Variants in VCAN observed in about 807,000 individuals in gnomAD.
VCAN encodes the protein versican core protein.
A neutral mutation model predicts 245.5 loss-of-function variants in VCAN; 44 were observed. The ratio of observed to expected loss-of-function variants is 0.18; its 90% confidence interval spans 0.14 to 0.23. The LOEUF is 0.23. VCAN is among the 10% of genes least tolerant of loss of function. The pLI, the probability that VCAN is intolerant of heterozygous loss-of-function variation, is 1.00. For synonymous variants in VCAN, 1,413 were observed against 1,437.0 expected, an observed-to-expected ratio of 0.98 and a Z score of 0.38; for missense variants, 3,793 against 4,057.9, an observed-to-expected ratio of 0.93 and a Z score of 1.77.
chr5:83,495,875 T>A (rs1745140450), intron 5 of VCAN, among the ~76,000 whole-genome samples: 1 of 152,192 alleles, frequency 6.6e-6, no homozygotes, highest in Admixed American at 6.5e-5. Flanking sequence ...CAGGCTTATG[T>A]ACCCATGAAG....
intron 5 of VCAN, among the ~76,000 whole-genome samples, chr5:83,510,816 C>T (rs1256506354): frequency 6.6e-6 from 1 of 152,178 alleles, no homozygotes; most frequent in Non-Finnish European, 1.5e-5. Flanking sequence ...ACTGTCCAGC[C>T]TTTTCTTGTT....
At position 83,493,740 on chromosome 5, in the gene VCAN, C is replaced by A. The variant is rs374314563; in HGVS notation, c.620+20C>A. 1 of 1,614,022 alleles carries A rather than the reference C, an allele frequency of 6.2e-7. No homozygotes were observed. Among genetic ancestry groups the A allele is most frequent in the African/African-American group, 1.3e-5 (1 of 74,900 alleles). ...TGTCAGGTAAGAGGTCTGGGGGCCA[C>A]AGGCTTCATTATTAACTTGAGAGTG... On this transcript the variant is annotated intron_variant, in intron 4 of 14. Coordinates refer to ENST00000265077, the MANE Select transcript of VCAN (RefSeq NM_004385.5).
Position 83,521,961 on chromosome 5 carries a change from A to ACAACTTCAGCATTCAAGC in VCAN, c.3658_3675dup (p.Thr1220_Pro1225dup). The ACAACTTCAGCATTCAAGC allele has an allele frequency of 6.2e-7, 1 of 1,614,240 alleles. No individual in the cohort carries two copies. On this transcript the variant is annotated inframe_insertion, in exon 7 of 15. Coordinates refer to ENST00000265077, the MANE Select transcript of VCAN (RefSeq NM_004385.5). The stretch of plus-strand genomic sequence containing the variant: ...CTTCAGTTCAGTAGACAGACTTCAC[A>ACAACTTCAGCATTCAAGC]CAACTTCAGCATTCAAGCCATCTTC...
At position 83,520,043 on chromosome 5, in the gene VCAN, C is replaced by T. The variant is rs780629672; in HGVS notation, c.1737C>T (p.Val579=). 1.9e-6 allele frequency: 3 copies of T among 1,613,912 alleles called. No homozygotes were observed. The highest frequency in any genetic ancestry group is 2.2e-5 in the South Asian group (2 of 91,058). ...TGATCTTTGACCAAATTCCTGAAGT[C>T]ATTACGGTGTCAAAGACTTCAGAAG... The part of the protein sequence containing the change: ...STLIFDQIPE[V]ITVSKTSEDT... Residue 579 remains valine, a synonymous_variant, in exon 7 of 15, where the codon GTC becomes GTT. Coordinates refer to ENST00000265077, the MANE Select transcript of VCAN (RefSeq NM_004385.5).
intron 5 of VCAN, among the ~76,000 whole-genome samples, chr5:83,511,148 C>CT (rs1004567485): frequency 7.5e-5 from 11 of 146,552 alleles, no homozygotes; most frequent in East Asian, 2.1e-4. Flanking sequence ...GTCTTTCTCT[C>CT]TTTTTTTTTT....
intron 5 of VCAN, among the ~76,000 whole-genome samples, chr5:83,494,716 A>C (rs993454893): frequency 5.9e-5 from 9 of 152,144 alleles, no homozygotes; most frequent in Admixed American, 4.6e-4. Flanking sequence ...ACTTTGGGAG[A>C]GCTAGGTGGG....
chr5:83,487,158 C>A (rs997172506), intron 2 of VCAN, among the ~76,000 whole-genome samples: 1 of 152,046 alleles, frequency 6.6e-6, no homozygotes, highest in South Asian at 2.1e-4. Context: ...CATGCACAGT[C>A]GTGAATAAGT....
chr5:83,569,669 A>G (rs1337880550), intron 12 of VCAN, among the ~76,000 whole-genome samples: 1 of 152,184 alleles, frequency 6.6e-6, no homozygotes, highest in Non-Finnish European at 1.5e-5. Context: ...TACACATAGT[A>G]TTAGGATGTT....
intron 1 of VCAN, among the ~76,000 whole-genome samples, chr5:83,476,378 G>T (rs1744391143): frequency 6.6e-6 from 1 of 152,292 alleles, no homozygotes; most frequent in African/African-American, 2.4e-5. Flanking sequence ...TGGTTCTTTT[G>T]AAAGAAAGAA....
Position 83,539,961 on chromosome 5 carries a change from A to G in VCAN, c.6958A>G (p.Ile2320Val), listed in dbSNP as rs1746901213. 2.5e-6 allele frequency: 4 copies of G among 1,614,024 alleles called. No homozygotes were observed. The highest frequency in any genetic ancestry group is 1.1e-5 in the South Asian group (1 of 91,088). ...EVGPLVSQTD[I>V]FEGSGSVTST... Reference sequence around the variant, plus strand: ...TGGACCACTCGTATCTCAAACAGACATCTTTGAAGGTAGTGGGTCAGTAAC... The same window carrying G: ...TGGACCACTCGTATCTCAAACAGACGTCTTTGAAGGTAGTGGGTCAGTAAC... Residue 2320 changes from isoleucine to valine, a missense_variant, in exon 8 of 15, where the codon ATC becomes GTC. Physicochemically the swap from Ile to Val is conservative, Grantham distance 29 (BLOSUM62 3). Around this residue, in one of 5 missense-constraint regions of VCAN, gnomAD observed 3,182 missense variants for 3,250.3 expected, o/e 0.98. Coordinates refer to ENST00000265077, the MANE Select transcript of VCAN (RefSeq NM_004385.5).
At position 83,547,955 on chromosome 5, in the gene VCAN, T is replaced by C. The variant is rs747552346; in HGVS notation, c.9380-16T>C. 6.4e-7 allele frequency: 1 copy of C among 1,564,778 alleles called. No individual in the cohort carries two copies. The highest frequency in any genetic ancestry group is 1.1e-5 in the South Asian group (1 of 90,118). ...TTTTTGAAAGTATTTTGTGAGCTTT[T>C]ACTATTTTGTTTCAGATTTTGATGA... On this transcript the variant is annotated splice_polypyrimidine_tract_variant and intron_variant, in intron 9 of 14. Coordinates refer to ENST00000265077, the MANE Select transcript of VCAN (RefSeq NM_004385.5).
intron 12 of VCAN, among the ~76,000 whole-genome samples, chr5:83,568,414 C>T (rs1748163447): frequency 6.6e-6 from 1 of 152,196 alleles, no homozygotes; most frequent in African/African-American, 2.4e-5. Context: ...CTCTGCCAAG[C>T]AACAACAGGA....
chr5:83,524,598 A>G (rs778101033), intron 7 of VCAN, among the ~76,000 whole-genome samples: 6 of 151,378 alleles, frequency 4.0e-5, no homozygotes, highest in Non-Finnish European at 7.4e-5. Flanking sequence ...CATCATCTGT[A>G]TTTTTGTGTG....
At chr5:83,504,579 A>C (rs1275753217) in intron 5 of VCAN, among the ~76,000 whole-genome samples, 1 of 151,992 alleles carries the variant, frequency 6.6e-6, no homozygotes, top group Non-Finnish European at 1.5e-5. Context: ...ATGGGGTTTC[A>C]CCATGTTGGC....
chr5:83,554,520 A>G (rs1029486655), intron 11 of VCAN, among the ~76,000 whole-genome samples: 2 of 152,210 alleles, frequency 1.3e-5, no homozygotes, highest in African/African-American at 4.8e-5. Flanking sequence ...TTTGAAAAAA[A>G]GGAACAAGTG....
At position 83,540,852 on chromosome 5, in the gene VCAN, A is replaced by T. The variant is rs1327111899; in HGVS notation, c.7849A>T (p.Thr2617Ser). The T allele has an allele frequency of 6.2e-7, 1 of 1,614,038 alleles. No individual in the cohort carries two copies. The highest frequency in any genetic ancestry group is 8.5e-7 in the Non-Finnish European group (1 of 1,179,984). ...TAATGATGAAAGTAATGATGACAGC[A>T]CTCAAGTTCAAGAGATCTATGAGGC... ...DSNDESNDDS[T>S]QVQEIYEAAV... Residue 2617 changes from threonine (T) to serine (S), a missense_variant, in exon 8 of 15, where the codon ACT (threonine) becomes TCT (serine). By Grantham distance (58) the Thr-to-Ser change is moderately conservative. Transcript: ENST00000265077.
Position 83,520,714 on chromosome 5 carries a change from G to T in VCAN, c.2408G>T (p.Trp803Leu), listed in dbSNP as rs528515003. The T allele has an allele frequency of 6.2e-7, 1 of 1,614,116 alleles. No individual in the cohort carries two copies. The highest frequency in any genetic ancestry group is 1.3e-5 in the African/African-American group (1 of 75,056). Residue 803 changes from tryptophan (W) to leucine (L), a missense_variant, in exon 7 of 15, where the codon TGG (tryptophan) becomes TTG (leucine). By Grantham distance (61) the Trp-to-Leu change is moderately conservative. Transcript: ENST00000265077. ...GTTGAAGCAGCCACTGTATCAAAATGGTCATGGGATGAAGATAATACAACA... is the reference window on the plus strand; with the variant it reads ...GTTGAAGCAGCCACTGTATCAAAATTGTCATGGGATGAAGATAATACAACA... The part of the protein sequence containing the change: ...LSVEAATVSK[W>L]SWDEDNTTSK...
chr5:83,579,175 T>C (rs181483810), intron 13 of VCAN, among the ~76,000 whole-genome samples: 1 of 152,186 alleles, frequency 6.6e-6, no homozygotes, highest in Admixed American at 6.5e-5. Flanking sequence ...AAGATATTTG[T>C]ATTTAGGAGA....
At chr5:83,550,196 T>A (rs1468242442) in intron 10 of VCAN, among the ~76,000 whole-genome samples, 5 of 152,140 alleles carry the variant, frequency 3.3e-5, no homozygotes, top group Non-Finnish European at 5.9e-5. Context: ...GTCAGAGAGG[T>A]TGAAAACATT....
Sources: gnomAD v4.1 joint callset for allele counts (sites outside exome capture counted in the v4.1 genomes callset) on GRCh38, gnomAD v4.1.1 for gene constraint, gnomAD v4.1.1 regional missense constraint, MANE v1.5 for transcripts, NCBI Gene and HGNC (gene_info 2026-07-23, HGNC 2026-07-21) for gene names.